Variants in TCERG1L observed in about 807,000 individuals in gnomAD.
TCERG1L encodes transcription elongation regulator 1 like.
A neutral mutation model predicts 56.3 loss-of-function variants in TCERG1L; 37 were observed. The observed-to-expected ratio is 0.66, with a 90% CI of 0.51 to 0.87. The LOEUF is 0.87. Ranked by LOEUF, TCERG1L falls within the 40% of genes least tolerant of loss-of-function variation. TCERG1L has a pLI of 0.00. For synonymous variants in TCERG1L, 324 were observed against 326.3 expected (o/e 0.99, Z 0.08); for missense variants, 799 against 774.2 (o/e 1.03, Z -0.38).
intron 3 of TCERG1L, 27 bp downstream of exon 3, chr10:131,308,184 C>T (rs1846834948): frequency 3.8e-6 from 6 of 1,571,226 alleles, no homozygotes; most frequent in African/African-American, 1.4e-5. Context: ...ATGAAACAGA[C>T]ATTGTCAATG....
At chr10:131,223,067 T>G (rs1412354022) in intron 4 of TCERG1L, among the ~76,000 whole-genome samples, 1 of 151,930 alleles carries the variant, frequency 6.6e-6, no homozygotes, top group Admixed American at 6.6e-5. Flanking sequence ...TTAGTGCCCC[T>G]GATCAACCGG....
chr10:131,221,311 A>G lies in TCERG1L; in HGVS notation c.856+38948T>C, dbSNP rs114424666. 2.1e-3 allele frequency among the ~76,000 whole-genome samples: 317 copies of G among 152,304 alleles called. 1 individual carries two copies. Among genetic ancestry groups the G allele is most frequent in the African/African-American group, 7.4e-3 (309 of 41,566 alleles). On this transcript the variant is annotated intron_variant, in intron 4 of 11. Transcript: ENST00000368642. ...GTTCAAATCACCGGTGGAGTGGGAG[A>G]GACTCAATTCAGAGATGGCAGCACC...
chr10:131,213,345 T>C (rs938404518), intron 4 of TCERG1L, among the ~76,000 whole-genome samples: 1 of 152,240 alleles, frequency 6.6e-6, no homozygotes, highest in Admixed American at 6.5e-5. Flanking sequence ...ACTCACTTCC[T>C]GGAAATGTCT....
intron 7 of TCERG1L, among the ~76,000 whole-genome samples, chr10:131,135,456 T>G (rs957441384): frequency 6.6e-6 from 1 of 152,198 alleles, no homozygotes; most frequent in Non-Finnish European, 1.5e-5. Context: ...TCTGCACATT[T>G]TCTTTCTATA....
chr10:131,259,898 G>A (rs920001463), intron 4 of TCERG1L, among the ~76,000 whole-genome samples: 5 of 152,228 alleles, frequency 3.3e-5, no homozygotes, highest in African/African-American at 1.2e-4. Context: ...ACGCCAGCCT[G>A]CACGTCCCGT....
chr10:131,120,154 CGT>C (rs572752365), intron 8 of TCERG1L, among the ~76,000 whole-genome samples: 5 of 151,226 alleles, frequency 3.3e-5, no homozygotes, highest in African/African-American at 4.8e-5. Flanking sequence ...GTTAATGATT[CGT>C]GTGTGTGTGT....
intron 6 of TCERG1L, chr10:131,155,894 A>G (rs1458169663): frequency 6.6e-6 from 1 of 152,190 alleles, no homozygotes; most frequent in Non-Finnish European, 1.5e-5. Flanking sequence ...CCACACTGAC[A>G]TTTAATTCAA....
chr10:131,203,202 C>T (rs774933481), intron 4 of TCERG1L, among the ~76,000 whole-genome samples: 1 of 151,452 alleles, frequency 6.6e-6, no homozygotes, highest in Non-Finnish European at 1.5e-5. Flanking sequence ...TTCAGCCCTC[C>T]GAGCTGCGCT....
chr10:131,154,498 G>T (rs1589730326), intron 6 of TCERG1L, among the ~76,000 whole-genome samples: 2 of 152,290 alleles, frequency 1.3e-5, no homozygotes, highest in East Asian at 3.9e-4. Flanking sequence ...GGGCCACCAG[G>T]GCTGAGCTCT....
intron 4 of TCERG1L, among the ~76,000 whole-genome samples, chr10:131,170,388 T>C (rs1263465293): frequency 1.3e-5 from 2 of 152,064 alleles, no homozygotes; most frequent in Non-Finnish European, 2.9e-5. Flanking sequence ...TCAACAAGTG[T>C]AAGACCATGG....
intron 9 of TCERG1L, among the ~76,000 whole-genome samples, chr10:131,109,872 G>A (rs948152195): frequency 9.2e-5 from 14 of 152,222 alleles, no homozygotes; most frequent in Non-Finnish European, 1.8e-4. Flanking sequence ...AAACGCAGGC[G>A]CCAGAAGGAG....
At chr10:131,230,741 G>T (rs561899910) in intron 4 of TCERG1L, among the ~76,000 whole-genome samples, 7 of 152,290 alleles carry the variant, frequency 4.6e-5, no homozygotes, top group African/African-American at 1.4e-4. Context: ...GCCACGCATG[G>T]CTACTCACAG....
chr10:131,222,580 C>T (rs1484988990), intron 4 of TCERG1L, among the ~76,000 whole-genome samples: 1 of 152,216 alleles, frequency 6.6e-6, no homozygotes, highest in Non-Finnish European at 1.5e-5. Flanking sequence ...CACATGGTTT[C>T]TTCAGCAAGG....
chr10:131,095,850 T>C (rs1298261363), intron 11 of TCERG1L: 2 of 152,212 alleles, frequency 1.3e-5, no homozygotes, highest in African/African-American at 4.8e-5. Flanking sequence ...GTTTTCCTTC[T>C]GTGTGCGTGT....
chr10:131,240,037 G>A (rs895232429), intron 4 of TCERG1L, among the ~76,000 whole-genome samples: 4 of 152,184 alleles, frequency 2.6e-5, no homozygotes, highest in African/African-American at 9.7e-5. Flanking sequence ...TGGTGAAGAA[G>A]CCCTTCTCCC....
intron 4 of TCERG1L, among the ~76,000 whole-genome samples, chr10:131,232,190 C>T (rs930330191): frequency 6.6e-6 from 1 of 152,246 alleles, no homozygotes; most frequent in Admixed American, 6.5e-5. Context: ...CACGCGCTGT[C>T]ATGCCCATGA....
chr10:131,260,727 G>C lies in TCERG1L; in HGVS notation c.671-283C>G, dbSNP rs914106482. Among the ~76,000 whole-genome samples the C allele has an allele frequency of 2.6e-5, 4 of 152,138 alleles. No homozygotes were observed. The highest frequency in any genetic ancestry group is 9.7e-5 in the African/African-American group (4 of 41,432). ...TCACCAGGGGACGAGCCAGGACCCG[G>C]GTGCCTTAAAGAGAAACTGCTTGTC... On this transcript the variant is annotated intron_variant, in intron 3 of 11. Coordinates refer to ENST00000368642, the MANE Select transcript of TCERG1L (RefSeq NM_174937.4). This position sits in a 1 kb window ranked among gnomAD's most constrained non-coding sequence, Gnocchi z 5.8.
At chr10:131,262,388 A>G (rs1190092787) in intron 3 of TCERG1L, among the ~76,000 whole-genome samples, 2 of 152,260 alleles carry the variant, frequency 1.3e-5, no homozygotes, top group Non-Finnish European at 2.9e-5. Context: ...TGGTTAAAAA[A>G]TAGAAGAAAG....
intron 9 of TCERG1L, among the ~76,000 whole-genome samples, chr10:131,108,106 G>A (rs1430969486): frequency 6.6e-6 from 1 of 152,160 alleles, no homozygotes; most frequent in Non-Finnish European, 1.5e-5. Context: ...TATGTCGTGG[G>A]ACTGTTCTCT....
Sources: allele counts gnomAD v4.1 joint callset (sites outside exome capture counted in the v4.1 genomes callset), GRCh38; gene constraint gnomAD v4.1.1; non-coding constraint Gnocchi (gnomAD v3.1); transcripts MANE v1.5; gene names NCBI Gene and HGNC (gene_info 2026-07-23, HGNC 2026-07-21).